Variants in DENND5B observed in about 807,000 individuals in gnomAD.
DENND5B encodes DENN domain containing 5B.
In DENND5B, 34 loss-of-function variants were observed where a neutral mutation model predicts 140.6. The observed-to-expected ratio is 0.24, with a 90% CI of 0.18 to 0.32. The LOEUF (loss-of-function observed/expected upper bound fraction) is 0.32, where lower values mean the gene tolerates loss of function less well. DENND5B is among the 10% of genes least tolerant of loss of function. The pLI is 1.00. For missense variants in DENND5B, 1,142 were observed against 1,560.2 expected, an observed-to-expected ratio of 0.73 and a Z score of 4.52; for synonymous variants, 551 against 562.1, an observed-to-expected ratio of 0.98 and a Z score of 0.28.
At chr12:31,458,983 C>T (rs1003009592) in intron 4 of DENND5B, among the ~76,000 whole-genome samples, 12 of 152,058 alleles carry the variant, frequency 7.9e-5, no homozygotes, top group Admixed American at 1.3e-4. Context: ...GAGGCCGGGG[C>T]GGGCAGATCA....
intron 1 of DENND5B, among the ~76,000 whole-genome samples, chr12:31,505,049 T>C (rs374593635): frequency 7.2e-5 from 11 of 152,328 alleles, no homozygotes; most frequent in African/African-American, 2.6e-4. Flanking sequence ...TGAAGTATTA[T>C]GGGGTTGTTA....
intron 1 of DENND5B, among the ~76,000 whole-genome samples, chr12:31,520,556 T>C (rs973533843): frequency 6.6e-6 from 1 of 152,154 alleles, no homozygotes; most frequent in African/African-American, 2.4e-5. Context: ...TTTTTTTCTT[T>C]TTGAGAAAGA....
At chr12:31,399,997 C>T (rs1941709612) in intron 15 of DENND5B, among the ~76,000 whole-genome samples, 1 of 152,200 alleles carries the variant, frequency 6.6e-6, no homozygotes, top group Non-Finnish European at 1.5e-5. Context: ...AAATGAGGGG[C>T]ACTGCACACA....
intron 1 of DENND5B, among the ~76,000 whole-genome samples, chr12:31,554,451 T>C (rs945929186): frequency 1.3e-5 from 2 of 152,196 alleles, no homozygotes; most frequent in Non-Finnish European, 2.9e-5. Flanking sequence ...TCTGATGGGC[T>C]TCCCTTTGTG....
chr12:31,553,549 G>A (rs1308274238), intron 1 of DENND5B, among the ~76,000 whole-genome samples: 1 of 152,126 alleles, frequency 6.6e-6, no homozygotes, highest in African/African-American at 2.4e-5. Flanking sequence ...GTTGATTTGG[G>A]GTGGAGAGTT....
intron 1 of DENND5B, among the ~76,000 whole-genome samples, chr12:31,567,915 G>T (rs563975987): frequency 6.6e-6 from 1 of 152,288 alleles, no homozygotes; most frequent in South Asian, 2.1e-4. Context: ...GACCAGGCTA[G>T]TCATGAACTC....
intron 1 of DENND5B, among the ~76,000 whole-genome samples, chr12:31,560,226 C>T (rs1949426463): frequency 6.6e-6 from 1 of 152,180 alleles, no homozygotes; most frequent in Non-Finnish European, 1.5e-5. Context: ...GATTCCTGAG[C>T]TGTGCCAACC....
chr12:31,571,492 T>TA (rs34586957), intron 1 of DENND5B, among the ~76,000 whole-genome samples: 12 of 149,650 alleles, frequency 8.0e-5, no homozygotes, highest in African/African-American at 7.3e-5. Context: ...GATTTGGGTT[T>TA]AAAAAAAAAA....
At chr12:31,531,087 C>T (rs559704730) in intron 1 of DENND5B, among the ~76,000 whole-genome samples, 1 of 152,320 alleles carries the variant, frequency 6.6e-6, no homozygotes, top group African/African-American at 2.4e-5. Flanking sequence ...GTTCTTAATA[C>T]ATTTAATATT....
chr12:31,512,385 ATTTT>A lies in DENND5B; in HGVS notation c.128-16470_128-16467del, dbSNP rs58455943. Among the ~76,000 whole-genome samples, 995 of 142,236 alleles carry A rather than the reference ATTTT, an allele frequency of 7.0e-3. 10 individuals carry two copies. The highest frequency in any genetic ancestry group is 0.02 in the African/African-American group (778 of 38,464). The allele number at this position is 142,236 out of a possible 152,430, so 93.3% of individuals were successfully genotyped here. ...GTACACACCACCACACCCCTGGCTA[ATTTT>A]TTTTTTTTTTTTTTTAATTTTTAGT... On this transcript the variant is annotated intron_variant, in intron 1 of 20. Coordinates refer to ENST00000389082, the MANE Select transcript of DENND5B (RefSeq NM_144973.4).
intron 1 of DENND5B, among the ~76,000 whole-genome samples, chr12:31,576,899 T>C (rs1429569422): frequency 6.7e-6 from 1 of 148,690 alleles, no homozygotes; most frequent in African/African-American, 2.5e-5. Flanking sequence ...ACCTTATTTC[T>C]AAAAAAAAAA....
intron 1 of DENND5B, among the ~76,000 whole-genome samples, chr12:31,559,217 T>G (rs1204563667): frequency 6.6e-6 from 1 of 152,210 alleles, no homozygotes; most frequent in South Asian, 2.1e-4. Context: ...GATGAACTCA[T>G]GGCAAATTAA....
rs989562613 is a variant in DENND5B at position 31,501,516 on chromosome 12, G to A, written c.128-5597C>T. Reference sequence around the variant, plus strand: ...AGGCCGGGCGCAGTGGCTCATGCCCGTAATCCCAATACTTTGGGAGGCCAA... The same window carrying A: ...AGGCCGGGCGCAGTGGCTCATGCCCATAATCCCAATACTTTGGGAGGCCAA... On this transcript the variant is annotated intron_variant, in intron 1 of 20. Transcript: ENST00000389082. Among the ~76,000 whole-genome samples, 48 of 152,136 alleles carry A rather than the reference G, an allele frequency of 3.2e-4. 1 individual carries two copies. Among genetic ancestry groups the A allele is most frequent in the African/African-American group, 1.1e-3 (45 of 41,446 alleles).
chr12:31,577,818 G>T (rs1274774324), intron 1 of DENND5B, among the ~76,000 whole-genome samples: 1 of 149,826 alleles, frequency 6.7e-6, no homozygotes, highest in Non-Finnish European at 1.5e-5. Flanking sequence ...CTTCACAGCA[G>T]AACTGAATGA....
chr12:31,558,263 C>T lies in DENND5B; in HGVS notation c.127+32443G>A, dbSNP rs572955174. Among the ~76,000 whole-genome samples, 26 of 152,030 alleles carry T rather than the reference C, an allele frequency of 1.7e-4. 1 individual carries two copies. The South Asian group carries it at 4.8e-3, about 28-fold the overall frequency. The stretch of plus-strand genomic sequence containing the variant: ...TTCCTTATACATATATGAATCAGAA[C>T]CCACCCCCCAACCCCCTTGTTTTCT... On this transcript the variant is annotated intron_variant, in intron 1 of 20. Coordinates refer to ENST00000389082, the MANE Select transcript of DENND5B (RefSeq NM_144973.4).
chr12:31,540,671 C>A (rs1199210998), intron 1 of DENND5B, among the ~76,000 whole-genome samples: 1 of 147,650 alleles, frequency 6.8e-6, no homozygotes, highest in African/African-American at 2.5e-5. Flanking sequence ...AACCCCCCCA[C>A]CAAAAAAAAA....
At chr12:31,486,850 T>C (rs79961245) in intron 2 of DENND5B, among the ~76,000 whole-genome samples, 1,752 of 152,334 alleles carry the variant, frequency 0.012, 23 homozygotes, top group African/African-American at 0.04. Flanking sequence ...CTCTAAAAAG[T>C]ATTTATTGTG....
At chr12:31,475,368 T>C (rs1016260260) in intron 3 of DENND5B, among the ~76,000 whole-genome samples, 1 of 151,828 alleles carries the variant, frequency 6.6e-6, no homozygotes, top group Admixed American at 6.6e-5. Flanking sequence ...TATAAAACCA[T>C]ATCCATAAAT....
intron 4 of DENND5B, among the ~76,000 whole-genome samples, chr12:31,452,809 C>T (rs1944597329): frequency 6.6e-6 from 1 of 151,730 alleles, no homozygotes. Context: ...TTTTTTATAC[C>T]ATACTTAATA....
Sources: allele counts gnomAD v4.1 joint callset (sites outside exome capture counted in the v4.1 genomes callset), GRCh38; gene constraint gnomAD v4.1.1; transcripts MANE v1.5; gene names NCBI Gene and HGNC (gene_info 2026-07-23, HGNC 2026-07-21).